Variants in PPP4R1 observed in about 807,000 individuals in gnomAD.
The protein encoded by PPP4R1 is protein phosphatase 4 regulatory subunit 1.
PPP4R1 carries 42 observed loss-of-function variants against 111.2 expected under a neutral mutation model. The observed-to-expected ratio is 0.38, with a 90% CI of 0.29 to 0.49. PPP4R1 has a LOEUF of 0.49. PPP4R1 is among the 20% of genes least tolerant of loss of function. The pLI, the probability that PPP4R1 is intolerant of heterozygous loss-of-function variation, is 0.97. For missense variants in PPP4R1, 1,012 were observed against 1,161.6 expected (o/e 0.87, Z 1.87); for synonymous variants, 409 against 405.5 (o/e 1.01, Z -0.10).
chr18:9,546,955 C>T lies in PPP4R1; in HGVS notation c.*834G>A, dbSNP rs923982983. The T allele has an allele frequency of 3.9e-5, 6 of 152,300 alleles. No individual in the cohort carries two copies. In the South Asian group the frequency reaches 1.2e-3, roughly 32 times the overall value. The allele number at this position is 152,300 out of a possible 1,614,324, so 9.4% of individuals were successfully genotyped here. A position where few individuals can be genotyped will look rare whatever the true frequency, so the allele number is the denominator to read the frequency against. ...TTTTATTTGGACAAGAGAACTTGTG[C>T]CACAACAGTTTAAACAGCATGATTA... On this transcript the variant is annotated 3_prime_UTR_variant, in exon 20 of 20. Coordinates refer to ENST00000400556, the MANE Select transcript of PPP4R1 (RefSeq NM_001042388.3).
rs750534530 is a variant in PPP4R1 at position 9,547,881 on chromosome 18, G to A, written c.2761C>T (p.Arg921Cys). ...GCAAAATACTTGACATCGCTGTCAC[G>A]GTCCATCTGAAGAGCCATGATGGTC... ...EQTIMALQMD[R>C]DSDVKYFASI... The change falls in exon 20 of 20, where the codon CGT (arginine) becomes TGT (cysteine). Residue 921 changes from arginine to cysteine, a missense_variant. By Grantham distance (180) the Arg-to-Cys change is radical. Transcript: ENST00000400556. 28 of 1,613,878 alleles carry A rather than the reference G, an allele frequency of 1.7e-5. No homozygotes were observed. Among genetic ancestry groups the A allele is most frequent in the Middle Eastern group, 1.7e-4 (1 of 5,874 alleles).
intron 16 of PPP4R1, among the ~76,000 whole-genome samples, chr18:9,552,296 T>C (rs1156262939): frequency 1.3e-5 from 2 of 152,202 alleles, no homozygotes; most frequent in African/African-American, 4.8e-5. Context: ...TATGGAAAAG[T>C]GTTCAACATC....
At chr18:9,595,414 T>A (rs528323597) in intron 2 of PPP4R1, among the ~76,000 whole-genome samples, 1 of 152,312 alleles carries the variant, frequency 6.6e-6, no homozygotes, top group Non-Finnish European at 1.5e-5. Flanking sequence ...AAACTCAGTA[T>A]GCAGGAAAGT....
chr18:9,604,970 G>A (rs927451488), intron 2 of PPP4R1, among the ~76,000 whole-genome samples: 1 of 152,158 alleles, frequency 6.6e-6, no homozygotes, highest in Admixed American at 6.5e-5. Context: ...ACCTTGAGAA[G>A]TATCACACCA....
chr18:9,566,184 T>C (rs2145083665), intron 11 of PPP4R1, among the ~76,000 whole-genome samples: 1 of 152,046 alleles, frequency 6.6e-6, no homozygotes. Context: ...GTTCTGGGAT[T>C]ACAGGCGTGA....
rs1307500645 is a variant in PPP4R1, at chr18:9,614,142, G to C, written c.52+84C>G. 6.7e-5 allele frequency: 78 copies of C among 1,164,566 alleles called. No homozygotes were observed. The highest frequency in any genetic ancestry group is 8.2e-5 in the Non-Finnish European group (76 of 921,252). 72.1% of individuals were successfully genotyped at this position (1,164,566 alleles called of 1,614,324 possible). ...GCCCACCGTCCCCTCAGCCAGCCAG[G>C]GCCCGGCCCAGGCCTCGCCGCCGCC... On this transcript the variant is annotated intron_variant, in intron 2 of 19. Transcript: ENST00000400556. This position sits in a 1 kb window ranked among gnomAD's most constrained non-coding sequence, Gnocchi z 4.1.
intron 10 of PPP4R1, among the ~76,000 whole-genome samples, chr18:9,573,569 TATCTAA>T (rs1218310456): frequency 6.6e-6 from 1 of 152,216 alleles, no homozygotes; most frequent in East Asian, 1.9e-4. Flanking sequence ...TCGTATGTAC[TATCTAA>T]TAAATACAAT....
intron 13 of PPP4R1, among the ~76,000 whole-genome samples, chr18:9,559,907 C>CTTAA (rs2066645707): frequency 6.6e-6 from 1 of 152,058 alleles, no homozygotes; most frequent in African/African-American, 2.4e-5. Context: ...ACACCAGAGC[C>CTTAA]TTTTAAATGT....
At chr18:9,577,547 C>A (rs1181516084) in intron 9 of PPP4R1, among the ~76,000 whole-genome samples, 2 of 152,114 alleles carry the variant, frequency 1.3e-5, no homozygotes, top group Non-Finnish European at 1.5e-5. Flanking sequence ...TGCCTGTGGT[C>A]CCAGCTACTC....
chr18:9,586,296 A>G (rs2067115659), intron 6 of PPP4R1, among the ~76,000 whole-genome samples: 1 of 152,056 alleles, frequency 6.6e-6, no homozygotes, highest in African/African-American at 2.4e-5. Flanking sequence ...TTTTTATTGT[A>G]ATGTTTTACT....
chr18:9,569,180 ACTC>A (rs2066818475), intron 11 of PPP4R1, among the ~76,000 whole-genome samples: 2 of 148,820 alleles, frequency 1.3e-5, no homozygotes, highest in South Asian at 4.2e-4. Context: ...ACAAAGCGAG[ACTC>A]CGTCTCAGAA....
At chr18:9,564,187 A>C (rs1164452061) in intron 11 of PPP4R1, among the ~76,000 whole-genome samples, 1 of 152,214 alleles carries the variant, frequency 6.6e-6, no homozygotes, top group Non-Finnish European at 1.5e-5. Flanking sequence ...TTTGGGTTGC[A>C]CCTTACTTAC....
In PPP4R1 at chr18:9,547,923, G is replaced by A; in HGVS notation, c.2719C>T (p.Gln907Ter). 6.2e-7 allele frequency: 1 copy of A among 1,614,054 alleles called. No individual in the cohort carries two copies. Among genetic ancestry groups the A allele is most frequent in the Non-Finnish European group, 8.5e-7 (1 of 1,180,044 alleles). ...ATGATGGTCTGCTCCACAGCCTCCT[G>A]GTGGCAGCTGGCAGAGGCCAAGAAA... ...DYFLASASCHQEAVEQTIMAL... is the reference protein window; with the variant it reads ...DYFLASASCH The change falls in exon 20 of 20, where the codon CAG becomes TAG. Residue 907 changes from glutamine (Q) to a stop codon, truncating the protein, a stop_gained. Transcript: ENST00000400556. LOFTEE classifies it high-confidence loss of function.
At chr18:9,587,371 G>T (rs915497238) in intron 6 of PPP4R1, 1 of 150,994 alleles carries the variant, frequency 6.6e-6, no homozygotes, top group Non-Finnish European at 1.5e-5. Context: ...ACAGAAAGCA[G>T]CCTTTTCTTT....
chr18:9,567,131 C>T (rs2066780954), intron 11 of PPP4R1, among the ~76,000 whole-genome samples: 1 of 152,200 alleles, frequency 6.6e-6, no homozygotes, highest in Non-Finnish European at 1.5e-5. Context: ...ATTCACCACT[C>T]TAGATGCCAT....
intron 13 of PPP4R1, among the ~76,000 whole-genome samples, chr18:9,560,607 A>G (rs1293124689): frequency 1.3e-5 from 2 of 152,206 alleles, no homozygotes; most frequent in African/African-American, 4.8e-5. Flanking sequence ...ACTCATTAAA[A>G]TGAGATTTGA....
rs932008140 is a variant in PPP4R1 at position 9,582,517 on chromosome 18, G to A, written c.918+600C>T. Among the ~76,000 whole-genome samples the A allele has an allele frequency of 3.9e-5, 6 of 152,236 alleles. No individual in the cohort carries two copies. The East Asian group carries it at 1.2e-3, about 29-fold the overall frequency. On this transcript the variant is annotated intron_variant, in intron 9 of 19. Coordinates refer to ENST00000400556, the MANE Select transcript of PPP4R1 (RefSeq NM_001042388.3). The stretch of plus-strand genomic sequence containing the variant: ...ACAACAGACCTATAACAAGTGAAGA[G>A]ACAGAATTAGGAATTTTACAACTAT...
chr18:9,593,122 A>G (rs1265361097), intron 4 of PPP4R1, among the ~76,000 whole-genome samples: 1 of 152,186 alleles, frequency 6.6e-6, no homozygotes, highest in Non-Finnish European at 1.5e-5. Context: ...AATAAAGATA[A>G]TAGATTTAAG....
At position 9,577,095 on chromosome 18, in the gene PPP4R1, A is replaced by C; in HGVS notation, c.1015T>G (p.Ser339Ala). 6.3e-7 allele frequency: 1 copy of C among 1,592,528 alleles called. No individual in the cohort carries two copies. Among genetic ancestry groups the C allele is most frequent in the Non-Finnish European group, 8.6e-7 (1 of 1,167,482 alleles). ...GQYFKEESKSSEEMSVENKNR... is the reference protein window; with the variant it reads ...GQYFKEESKSAEEMSVENKNR... ...TTGTTTTCTACTGACATCTCTTCTG[A>C]ACTTTTGCTTTCTTCTTTAAAATAC... Residue 339 changes from serine to alanine, a missense_variant, in exon 10 of 20, where the codon TCA becomes GCA. Physicochemically the swap from Ser to Ala is moderately conservative, Grantham distance 99. Transcript: ENST00000400556.
Sources: gnomAD v4.1 joint callset for allele counts (sites outside exome capture counted in the v4.1 genomes callset) on GRCh38, gnomAD v4.1.1 for gene constraint, Gnocchi (gnomAD v3.1) non-coding constraint, MANE v1.5 for transcripts, NCBI Gene and HGNC (gene_info 2026-07-23, HGNC 2026-07-21) for gene names.